The following CDH12 variants were observed in gnomAD, a reference collection of about 807,000 sequenced individuals.
CDH12 encodes the protein cadherin-12.
In CDH12, 41 loss-of-function variants were observed where a neutral mutation model predicts 74.1. The observed-to-expected ratio is 0.55, with a 90% confidence interval of 0.43 to 0.72. The LOEUF is 0.72. Ranked by LOEUF, CDH12 falls within the 30% of genes least tolerant of loss-of-function variation. The pLI, the probability that CDH12 is intolerant of heterozygous loss-of-function variation, is 0.00. For synonymous variants in CDH12, 399 were observed against 355.0 expected, an observed-to-expected ratio of 1.12 and a Z score of -1.39; for missense variants, 945 against 977.2, an observed-to-expected ratio of 0.97 and a Z score of 0.44.
At position 22,085,106 on chromosome 5, in the gene CDH12, T is replaced by C. The variant is rs139042773; in HGVS notation, c.-186-6244A>G. On this transcript the variant is annotated intron_variant, in intron 4 of 14. Transcript: ENST00000382254. ...TTCCTCATCTTTTGTAGAGCCAGAG[T>C]GACTTTTCAAAGACTTCTTAACTCG... 3.1e-3 allele frequency among the ~76,000 whole-genome samples: 472 copies of C among 152,214 alleles called. 2 individuals carry two copies. The highest frequency in any genetic ancestry group is 5.0e-3 in the Non-Finnish European group (341 of 68,012).
intron 2 of CDH12, among the ~76,000 whole-genome samples, chr5:22,480,928 T>G (rs765589645): frequency 7.9e-5 from 12 of 152,230 alleles, no homozygotes; most frequent in Admixed American, 2.6e-4. Flanking sequence ...CAAATATTTT[T>G]CCAGCAAGAA....
At chr5:22,808,605 C>CTTTTTTTTTTT (rs34567315) in intron 1 of CDH12, among the ~76,000 whole-genome samples, 6 of 111,488 alleles carry the variant, frequency 5.4e-5, no homozygotes, top group African/African-American at 1.1e-4. Flanking sequence ...CTTTTCTTGT[C>CTTTTTTTTTTT]TTTTTTTTTT....
chr5:22,191,714 G>A (rs1447165355), intron 4 of CDH12, among the ~76,000 whole-genome samples: 5 of 149,418 alleles, frequency 3.3e-5, no homozygotes, highest in African/African-American at 1.2e-4. Context: ...ACAGGCGCCC[G>A]CCACTACGCC....
intron 8 of CDH12, among the ~76,000 whole-genome samples, chr5:21,822,715 T>A (rs191325102): frequency 9.5e-4 from 145 of 152,208 alleles, no homozygotes; most frequent in African/African-American, 3.4e-3. Context: ...CACTAGAGCT[T>A]CACTTTATTG....
intron 2 of CDH12, among the ~76,000 whole-genome samples, chr5:22,489,567 G>T (rs1177289955): frequency 6.6e-6 from 1 of 151,992 alleles, no homozygotes; most frequent in Non-Finnish European, 1.5e-5. Flanking sequence ...TAATCTCAAG[G>T]AGTTTAAGTT....
chr5:21,856,119 A>G (rs1180650785), intron 6 of CDH12, among the ~76,000 whole-genome samples: 2 of 151,800 alleles, frequency 1.3e-5, no homozygotes, highest in East Asian at 1.9e-4. Context: ...AATATTATCC[A>G]TCATCATCAC....
chr5:21,814,142 AGTGT>A (rs59666017), intron 9 of CDH12, among the ~76,000 whole-genome samples: 1,595 of 145,568 alleles, frequency 0.011, 14 homozygotes, highest in African/African-American at 0.027. Flanking sequence ...AGGAGAAATG[AGTGT>A]GTGTGTGTGT....
chr5:22,162,239 C>T (rs914204110), intron 4 of CDH12, among the ~76,000 whole-genome samples: 2 of 152,042 alleles, frequency 1.3e-5, no homozygotes, highest in African/African-American at 4.8e-5. Context: ...ACTTTGAAGG[C>T]CCACACCCTA....
chr5:22,852,266 A>G (rs1737591312), intron 1 of CDH12, among the ~76,000 whole-genome samples: 1 of 152,190 alleles, frequency 6.6e-6, no homozygotes, highest in Non-Finnish European at 1.5e-5. Context: ...GAGGTTCTAA[A>G]TACACTGTGG....
rs981650826 is a variant in CDH12 at position 22,593,503 on chromosome 5, T to C, written c.-522-88139A>G. Among the ~76,000 whole-genome samples the C allele has an allele frequency of 2.0e-4, 30 of 152,290 alleles. 1 individual carries two copies. In the Middle Eastern group the frequency reaches 0.014, roughly 69 times the overall value. ...TTCAAATTTTCTTATCCTTCCAATT[T>C]TACATCTCAACTCTCTGCTCTCATT... On this transcript the variant is annotated intron_variant, in intron 1 of 14. Transcript: ENST00000382254.
chr5:22,229,146 T>G lies in CDH12; in HGVS notation c.-332-16503A>C, dbSNP rs556246216. Among the ~76,000 whole-genome samples the G allele has an allele frequency of 2.0e-5, 3 of 151,840 alleles. No homozygotes were observed. The South Asian group carries it at 6.2e-4, about 32-fold the overall frequency. On this transcript the variant is annotated intron_variant, in intron 3 of 14. Transcript: ENST00000382254. The stretch of plus-strand genomic sequence containing the variant: ...TTTACAAATCCTTTTTCTTTTTTTT[T>G]TTTTAGTATATTCCACTGTCAGTGT...
intron 3 of CDH12, among the ~76,000 whole-genome samples, chr5:22,320,367 A>G (rs1348495): frequency 0.015 from 2,314 of 152,294 alleles, 32 homozygotes; most frequent in Non-Finnish European, 0.024. Flanking sequence ...ATAAAATTGT[A>G]AATGGATTAT....
chr5:22,492,450 T>G (rs1234198745), intron 2 of CDH12, among the ~76,000 whole-genome samples: 1 of 151,412 alleles, frequency 6.6e-6, no homozygotes, highest in African/African-American at 2.4e-5. Flanking sequence ...CGGGGTCAAG[T>G]GATTCTCCTG....
intron 5 of CDH12, among the ~76,000 whole-genome samples, chr5:22,006,422 T>C (rs1453240101): frequency 5.9e-5 from 9 of 151,912 alleles, no homozygotes; most frequent in Non-Finnish European, 1.2e-4. Context: ...TCATCTAAAC[T>C]TCTGCTTTTA....
At chr5:22,593,403 C>T (rs1040992178) in intron 1 of CDH12, among the ~76,000 whole-genome samples, 4 of 152,142 alleles carry the variant, frequency 2.6e-5, no homozygotes, top group African/African-American at 4.8e-5. Context: ...TACCCAGAAA[C>T]GTTACCTTCT....
chr5:21,833,535 A>G (rs1045300596), intron 8 of CDH12, among the ~76,000 whole-genome samples: 1 of 95,254 alleles, frequency 1.0e-5, no homozygotes, highest in African/African-American at 5.7e-5. Context: ...GTCATATATT[A>G]TATGTAATAT....
At chr5:22,204,412 C>T (rs1257235300) in intron 4 of CDH12, among the ~76,000 whole-genome samples, 3 of 152,180 alleles carry the variant, frequency 2.0e-5, no homozygotes, top group South Asian at 2.1e-4. Flanking sequence ...CCGCCCGCCT[C>T]GGCCTCCCGA....
chr5:22,740,335 T>C (rs1233691900), intron 1 of CDH12, among the ~76,000 whole-genome samples: 1 of 152,004 alleles, frequency 6.6e-6, no homozygotes, highest in East Asian at 1.9e-4. Context: ...TAACCACTTT[T>C]CCTACATGAT....
At chr5:22,322,973 A>C (rs1738946739) in intron 3 of CDH12, among the ~76,000 whole-genome samples, 1 of 152,200 alleles carries the variant, frequency 6.6e-6, no homozygotes, top group African/African-American at 2.4e-5. Flanking sequence ...AAGTGCAACC[A>C]ATCTGTATAT....
Sources: gnomAD v4.1 joint callset for allele counts (sites outside exome capture counted in the v4.1 genomes callset) on GRCh38, gnomAD v4.1.1 for gene constraint, MANE v1.5 for transcripts, NCBI Gene and HGNC (gene_info 2026-07-23, HGNC 2026-07-21) for gene names.